Variants in CDK5RAP2 observed in about 807,000 individuals in gnomAD.
The protein encoded by CDK5RAP2 is CDK5 regulatory subunit associated protein 2, also known as CDK5 regulatory subunit-associated protein 2.
In CDK5RAP2, 147 loss-of-function variants were observed where a neutral mutation model predicts 232.9. The ratio of observed to expected loss-of-function variants is 0.63; its 90% confidence interval spans 0.55 to 0.72. CDK5RAP2 has a LOEUF of 0.72. Ranked by LOEUF, CDK5RAP2 falls within the 30% of genes least tolerant of loss-of-function variation. CDK5RAP2 has a pLI of 0.00. For synonymous variants in CDK5RAP2, 833 were observed against 833.7 expected (o/e 1.00, Z 0.01); for missense variants, 2,195 against 2,231.5 (o/e 0.98, Z 0.33).
chr9:120,552,587 G>C (rs559997233), intron 3 of CDK5RAP2, among the ~76,000 whole-genome samples: 1 of 150,626 alleles, frequency 6.6e-6, no homozygotes, highest in African/African-American at 2.4e-5. Flanking sequence ...GCAAACTATC[G>C]CAAGGATAAA....
At chr9:120,391,106 G>A (rs1044915601) in intron 36 of CDK5RAP2, among the ~76,000 whole-genome samples, 6 of 152,022 alleles carry the variant, frequency 3.9e-5, no homozygotes, top group Non-Finnish European at 5.9e-5. Context: ...CTGGACGTCC[G>A]CATTTTTCCA....
At chr9:120,423,012 T>G (rs1347347971) in intron 25 of CDK5RAP2, among the ~76,000 whole-genome samples, 1 of 152,162 alleles carries the variant, frequency 6.6e-6, no homozygotes, top group Non-Finnish European at 1.5e-5. Flanking sequence ...TTTCTTTCTC[T>G]CAAACTCTGA....
chr9:120,565,600 C>T (rs1042468084), intron 3 of CDK5RAP2, among the ~76,000 whole-genome samples: 1 of 152,194 alleles, frequency 6.6e-6, no homozygotes, highest in Non-Finnish European at 1.5e-5. Context: ...CTCCTTCCAG[C>T]CAGTAAGTTC....
chr9:120,564,815 C>T (rs1412543287), intron 3 of CDK5RAP2, among the ~76,000 whole-genome samples: 1 of 152,202 alleles, frequency 6.6e-6, no homozygotes, highest in Admixed American at 6.5e-5. Context: ...GTCTTCCCTA[C>T]TCACCCAAAA....
Position 120,439,426 on chromosome 9 carries a change from T to C in CDK5RAP2, c.3695A>G (p.Asn1232Ser), listed in dbSNP as rs772072816. ...QLFSEIHNLQ[N>S]KFRDLSPPRY... ...GGGAGGTGAGAGATCTCTGAACTTATTCTGCAGATTATGGATCTCACTGAA... is the reference window on the plus strand; with the variant it reads ...GGGAGGTGAGAGATCTCTGAACTTACTCTGCAGATTATGGATCTCACTGAA... The change falls in exon 24 of 38, where the codon AAT becomes AGT. Residue 1232 changes from asparagine to serine, a missense_variant. Transcript: ENST00000349780. 14 of 1,614,036 alleles carry C rather than the reference T, an allele frequency of 8.7e-6. No individual in the cohort carries two copies. The highest frequency in any genetic ancestry group is 1.3e-5 in the African/African-American group (1 of 74,940).
chr9:120,515,455 C>G (rs2040290136), intron 12 of CDK5RAP2, among the ~76,000 whole-genome samples: 1 of 152,212 alleles, frequency 6.6e-6, no homozygotes, highest in South Asian at 2.1e-4. Flanking sequence ...ATTTTCATCT[C>G]CCTTAGAAAA....
At chr9:120,485,292 A>ATTTTTTT in intron 14 of CDK5RAP2, among the ~76,000 whole-genome samples, 1 of 146,892 alleles carries the variant, frequency 6.8e-6, no homozygotes, top group African/African-American at 2.6e-5. Context: ...ACATTTAGAT[A>ATTTTTTT]CTTTTTTTTT....
In CDK5RAP2 at chr9:120,497,421, T is replaced by TAAAAA. The variant is rs71385064; in HGVS notation, c.1312-5949_1312-5945dup. Reference sequence around the variant, plus strand: ...AGAATTATCAATAAAAAAATAAATTTAAAAAAAAAAAAAAAAAAAAAAAAA... The same window carrying TAAAAA: ...AGAATTATCAATAAAAAAATAAATTTAAAAAAAAAAAAAAAAAAAAAAAAAAAAAA... On this transcript the variant is annotated intron_variant, in intron 12 of 37. Coordinates refer to ENST00000349780, the MANE Select transcript of CDK5RAP2 (RefSeq NM_018249.6). Among the ~76,000 whole-genome samples the TAAAAA allele has an allele frequency of 6.4e-3, 150 of 23,256 alleles. 3 individuals carry two copies. Among genetic ancestry groups the TAAAAA allele is most frequent in the Middle Eastern group, 0.062 (2 of 32 alleles). 15.3% of individuals were successfully genotyped at this position (23,256 alleles called of 152,430 possible). A position where few individuals can be genotyped will look rare whatever the true frequency, so the allele number is the denominator to read the frequency against.
Position 120,403,961 on chromosome 9 carries a change from C to G in CDK5RAP2, c.5041+75G>C, listed in dbSNP as rs2131280342. On this transcript the variant is annotated intron_variant, in intron 33 of 37. Transcript: ENST00000349780. This position sits in a 1 kb window ranked among gnomAD's most constrained non-coding sequence, Gnocchi z 4.2. The stretch of plus-strand genomic sequence containing the variant: ...CCCTCCTGAGTTGGGACCAGGGACC[C>G]CCCTTTTCTGCAAGTTAAAAAGTCT... 2 of 1,003,648 alleles carry G rather than the reference C, an allele frequency of 2.0e-6. No homozygotes were observed. The highest frequency in any genetic ancestry group is 4.8e-5 in the East Asian group (2 of 41,912). 62.2% of individuals were successfully genotyped at this position (1,003,648 alleles called of 1,614,324 possible).
chr9:120,402,231 G>A (rs533724941), intron 34 of CDK5RAP2, among the ~76,000 whole-genome samples: 14 of 152,172 alleles, frequency 9.2e-5, no homozygotes, highest in African/African-American at 3.1e-4. Flanking sequence ...AGGTGGGGTC[G>A]AAGCTACAGT....
intron 12 of CDK5RAP2, among the ~76,000 whole-genome samples, chr9:120,512,749 C>T (rs956026942): frequency 1.3e-5 from 2 of 152,284 alleles, no homozygotes; most frequent in South Asian, 2.1e-4. Context: ...TATGTAACGA[C>T]GGCTGAGCAG....
Position 120,407,253 on chromosome 9 carries a change from G to A in CDK5RAP2, c.4727-5C>T. The stretch of plus-strand genomic sequence containing the variant: ...TCCAGCCTTCTCCCGACGCCTCTGA[G>A]GACATGTGCAAAGAGAAGCCCTGAC... On this transcript the variant is annotated splice_region_variant and splice_polypyrimidine_tract_variant and intron_variant, in intron 31 of 37. Transcript: ENST00000349780. The A allele has an allele frequency of 6.2e-7, 1 of 1,605,472 alleles. No individual in the cohort carries two copies. The highest frequency in any genetic ancestry group is 8.5e-7 in the Non-Finnish European group (1 of 1,174,570).
chr9:120,432,344 G>A (rs957089268), intron 25 of CDK5RAP2, among the ~76,000 whole-genome samples: 6 of 152,112 alleles, frequency 3.9e-5, no homozygotes, highest in Non-Finnish European at 2.9e-5. Context: ...ATACTCCAGG[G>A]TATTCACACT....
chr9:120,516,253 A>T (rs2040333122), intron 12 of CDK5RAP2, among the ~76,000 whole-genome samples: 1 of 151,916 alleles, frequency 6.6e-6, no homozygotes, highest in South Asian at 2.1e-4. Context: ...ATTCTCAGCA[A>T]ACTATTGCAA....
chr9:120,564,667 C>T (rs1431178288), intron 3 of CDK5RAP2, among the ~76,000 whole-genome samples: 1 of 152,096 alleles, frequency 6.6e-6, no homozygotes, highest in African/African-American at 2.4e-5. Context: ...TAATATTACA[C>T]AGCCAGTAAT....
intron 25 of CDK5RAP2, among the ~76,000 whole-genome samples, chr9:120,434,372 A>G (rs973445472): frequency 5.9e-5 from 9 of 152,200 alleles, no homozygotes; most frequent in African/African-American, 2.2e-4. Flanking sequence ...GAGAGAGTGC[A>G]GCCAGGGCGA....
Position 120,427,972 on chromosome 9 carries a change from A to G in CDK5RAP2, c.3956-5231T>C, listed in dbSNP as rs569520698. ...GAAACTCACTCAAAACCGCTCAACT[A>G]CATGGAAACTGAACAACCTGCTCCT... On this transcript the variant is annotated intron_variant, in intron 25 of 37. Transcript: ENST00000349780. Among the ~76,000 whole-genome samples the G allele has an allele frequency of 1.2e-4, 18 of 152,350 alleles. 1 individual carries two copies. The South Asian group carries it at 3.5e-3, about 30-fold the overall frequency.
chr9:120,444,668 G>T (rs2036084677), intron 22 of CDK5RAP2, among the ~76,000 whole-genome samples: 1 of 152,168 alleles, frequency 6.6e-6, no homozygotes. Flanking sequence ...AAATTAAATG[G>T]AACATACCTT....
chr9:120,419,804 C>T lies in CDK5RAP2; in HGVS notation c.4161G>A (p.Val1387=), dbSNP rs758743398. ...TTAGCTTACCTTGAGAAAAACTGTT[C>T]ACCATAACTGAAGTCTTCTCTGTCT... ...DNETEKTSVM[V]NSFSQDLLME... The change falls in exon 27 of 38, where the codon GTG becomes GTA. Residue 1387 remains valine, a synonymous_variant. Coordinates refer to ENST00000349780, the MANE Select transcript of CDK5RAP2 (RefSeq NM_018249.6). The T allele has an allele frequency of 6.2e-7, 1 of 1,613,718 alleles. No homozygotes were observed. Among genetic ancestry groups the T allele is most frequent in the Non-Finnish European group, 8.5e-7 (1 of 1,179,634 alleles).
Sources: allele counts gnomAD v4.1 joint callset (sites outside exome capture counted in the v4.1 genomes callset), GRCh38; gene constraint gnomAD v4.1.1; non-coding constraint Gnocchi (gnomAD v3.1); transcripts MANE v1.5; gene names NCBI Gene and HGNC (gene_info 2026-07-23, HGNC 2026-07-21).